The following TEP1 variants were observed in gnomAD, a reference collection of about 807,000 sequenced individuals.
TEP1 encodes telomerase associated protein 1.
In TEP1, 241 loss-of-function variants were observed where a neutral mutation model predicts 306.3. The observed-to-expected ratio is 0.79, with a 90% confidence interval of 0.71 to 0.88. The LOEUF is 0.88. TEP1 is among the 40% of genes least tolerant of loss of function. The pLI, the probability that TEP1 is intolerant of heterozygous loss-of-function variation, is 0.00. For synonymous variants in TEP1, 1,289 were observed against 1,305.5 expected (o/e 0.99, Z 0.27); for missense variants, 3,051 against 3,276.1 (o/e 0.93, Z 1.68).
Position 20,381,632 on chromosome 14 carries a change from A to G in TEP1, c.4479T>C (p.Asp1493=). 6.2e-7 allele frequency: 1 copy of G among 1,613,930 alleles called. No homozygotes were observed. The highest frequency in any genetic ancestry group is 8.5e-7 in the Non-Finnish European group (1 of 1,179,932). ...GTTTAGCTGCTGTTCTCAGGGGCCC[A>G]TCAGGGAGGCACAGCCGGGCACCAG... ...ERPGARLCLP[D]GPLRTAAKRC... Residue 1493 remains aspartate (D), a synonymous_variant, in exon 31 of 55, where the codon GAT becomes GAC. Coordinates refer to ENST00000262715, the MANE Select transcript of TEP1 (RefSeq NM_007110.5). The surrounding 1 kb of genome is among the most constrained non-coding windows in gnomAD (Gnocchi z 4.0).
intron 1 of TEP1, among the ~76,000 whole-genome samples, chr14:20,410,802 GTTTTTTTTTTT>G (rs61662364): frequency 0.13 from 3,267 of 25,284 alleles, 157 homozygotes; most frequent in African/African-American, 0.34. Context: ...CTCCTTTGTG[GTTTTTTTTTTT>G]TTTTTTTTTT....
intron 12 of TEP1, among the ~76,000 whole-genome samples, chr14:20,392,956 C>T (rs887481391): frequency 2.0e-5 from 3 of 152,008 alleles, no homozygotes; most frequent in African/African-American, 4.8e-5. Flanking sequence ...CGGTGGCTCA[C>T]GCCTATAATC....
rs1174988348 is a variant in TEP1, at chr14:20,405,547, T to G, written c.774A>C (p.Ser258=). Residue 258 remains serine (S), a synonymous_variant, in exon 4 of 55, where the codon TCA becomes TCC. Transcript: ENST00000262715. ...LLSLLCSTLV[S]EVNMNNTSDP... ...CAGATGTATTGTTCATGTTTACTTC[T>G]GAGACCAGAGTAGAGCACAGCAAGC... 1 of 1,614,032 alleles carries G rather than the reference T, an allele frequency of 6.2e-7. No homozygotes were observed. The highest frequency in any genetic ancestry group is 1.3e-5 in the African/African-American group (1 of 74,928).
chr14:20,413,420 C>G lies in TEP1; in HGVS notation c.-40G>C, dbSNP rs894713606. ...GGTGCCTGACCTGGGGCGTCCGATT[C>G]CCGCAGCAGGAAGCAGAAACTTCGC... is the stretch of plus-strand genomic sequence containing the variant. On this transcript the variant is annotated 5_prime_UTR_variant, in exon 1 of 55. Coordinates refer to ENST00000262715, the MANE Select transcript of TEP1 (RefSeq NM_007110.5). 6.6e-6 allele frequency: 1 copy of G among 151,636 alleles called. No homozygotes were observed. The highest frequency in any genetic ancestry group is 2.5e-5 in the African/African-American group (1 of 40,756). The allele number at this position is 151,636 out of a possible 1,614,324, so 9.4% of individuals were successfully genotyped here. A position where few individuals can be genotyped will look rare whatever the true frequency, so the allele number is the denominator to read the frequency against.
rs990199970 is a variant in TEP1 at position 20,378,015 on chromosome 14, C to A, written c.5721+9G>T. On this transcript the variant is annotated intron_variant, in intron 39 of 54. Coordinates refer to ENST00000262715, the MANE Select transcript of TEP1 (RefSeq NM_007110.5). ...CTCACAACCCACCACCAGCCCTCTGCAAGCTGACCTTGCCATCCTCTCCAG... is the reference window on the plus strand; with the variant it reads ...CTCACAACCCACCACCAGCCCTCTGAAAGCTGACCTTGCCATCCTCTCCAG... The A allele has an allele frequency of 6.2e-7, 1 of 1,612,716 alleles. No homozygotes were observed. Among genetic ancestry groups the A allele is most frequent in the Non-Finnish European group, 8.5e-7 (1 of 1,180,008 alleles).
At chr14:20,391,415 G>T (rs374361984) in intron 13 of TEP1, among the ~76,000 whole-genome samples, 184 bp downstream of exon 13, 1 of 152,124 alleles carries the variant, frequency 6.6e-6, no homozygotes, top group Admixed American at 6.5e-5. Context: ...CCATAAACCT[G>T]GTTGAAACAA....
At chr14:20,398,904 C>CT (rs946748725) in intron 9 of TEP1, among the ~76,000 whole-genome samples, 106 of 147,308 alleles carry the variant, frequency 7.2e-4, no homozygotes, top group African/African-American at 2.2e-3. Flanking sequence ...AGTCATCATT[C>CT]TTTTTTTTTT....
chr14:20,371,459 C>T, intron 50 of TEP1, 30 bp downstream of exon 50: 1 of 1,609,190 alleles, frequency 6.2e-7, no homozygotes, highest in Middle Eastern at 1.7e-4. Context: ...TTTTCCCCAG[C>T]TCAGGAGGAA....
intron 37 of TEP1, 39 bp from the exon 38 acceptor site, chr14:20,378,574 G>C: frequency 6.2e-7 from 1 of 1,613,344 alleles, no homozygotes; most frequent in South Asian, 1.1e-5. Context: ...GCTGAAGAGA[G>C]ATGCCTGAAC....
At chr14:20,377,256 A>AC in intron 41 of TEP1, 24 bp downstream of exon 41, 1 of 1,553,560 alleles carries the variant, frequency 6.4e-7, no homozygotes, top group South Asian at 1.2e-5. Context: ...TAATTTGTTA[A>AC]CCCTGCCCAC....
chr14:20,391,039 C>A lies in TEP1; in HGVS notation c.2155G>T (p.Val719Leu). 6.2e-7 allele frequency: 1 copy of A among 1,614,166 alleles called. No homozygotes were observed. Among genetic ancestry groups the A allele is most frequent in the South Asian group, 1.1e-5 (1 of 91,074 alleles). ...IGMMITRAEQ[V>L]DVVLCGGDTL... Reference sequence around the variant, plus strand: ...TCACCTCCACACAGCACGACGTCCACCTGCTCCGCCCTCGTGATCATCATC... The same window carrying A: ...TCACCTCCACACAGCACGACGTCCAACTGCTCCGCCCTCGTGATCATCATC... The change falls in exon 14 of 55, where the codon GTG becomes TTG. Residue 719 changes from valine to leucine, a missense_variant. Val to Leu is a conservative substitution (Grantham distance 32). Coordinates refer to ENST00000262715, the MANE Select transcript of TEP1 (RefSeq NM_007110.5).
In TEP1 at chr14:20,408,996, C is replaced by T. The variant is rs1255097034; in HGVS notation, c.-24-533G>A. ...TATAATCTGGACTGTGGGTTCATAG[C>T]TCCAGAGAAACAGGTACTTTAATCA... On this transcript the variant is annotated intron_variant, in intron 1 of 54. Coordinates refer to ENST00000262715, the MANE Select transcript of TEP1 (RefSeq NM_007110.5). Among the ~76,000 whole-genome samples the T allele has an allele frequency of 2.0e-5, 3 of 152,074 alleles. No homozygotes were observed. The East Asian group carries it at 5.8e-4, about 29-fold the overall frequency.
At chr14:20,377,021 G>T (rs1238667809) in intron 41 of TEP1, among the ~76,000 whole-genome samples, 1 of 152,076 alleles carries the variant, frequency 6.6e-6, no homozygotes, top group Non-Finnish European at 1.5e-5. Context: ...TTCGAGACCA[G>T]CATGACCAAC....
chr14:20,376,224 C>T lies in TEP1; in HGVS notation c.6129G>A (p.Thr2043=), dbSNP rs2228042. Residue 2043 remains threonine, a synonymous_variant, in exon 42 of 55, where the codon ACG becomes ACA. Coordinates refer to ENST00000262715, the MANE Select transcript of TEP1 (RefSeq NM_007110.5). ...TVQLWPRQLL[T]RPHKAEDFPC... ...GAAAGTCTTCTGCCTTGTGTGGCCG[C>T]GTCAGCAGCTGCCTTGGCCACAGCT... 98,572 of 1,614,100 alleles carry T rather than the reference C, an allele frequency of 0.061. 3,336 individuals are homozygous for T. Among genetic ancestry groups the T allele is most frequent in the South Asian group, 0.093 (8,481 of 91,076 alleles).
rs767407389 is a variant in TEP1, at chr14:20,391,599, C to G, written c.2097G>C (p.Gly699=). The change falls in exon 13 of 55, where the codon GGG becomes GGC. Residue 699 remains glycine (G), a splice_region_variant and synonymous_variant. Transcript: ENST00000262715. ...TGGAGGATGCTTTTTGTTTTCTTACCCCTTGTGGGTTGCTCTTTGGACAGA... is the reference window on the plus strand; with the variant it reads ...TGGAGGATGCTTTTTGTTTTCTTACGCCTTGTGGGTTGCTCTTTGGACAGA... ...DRLCPKSNPQ[G]PPLNYALLLI... is the part of the protein sequence containing the mutation. 7 of 1,610,794 alleles carry G rather than the reference C, an allele frequency of 4.3e-6. No individual in the cohort carries two copies. The Admixed American group carries it at 5.0e-5, about 12-fold the overall frequency.
Position 20,395,463 on chromosome 14 carries a change from C to A in TEP1, c.1915G>T (p.Val639Leu), listed in dbSNP as rs1307257559. ...YEQLKREKLRVHKARQWKYDG... is the reference protein window; with the variant it reads ...YEQLKREKLRLHKARQWKYDG... Reference sequence around the variant, plus strand: ...GTGCATACATACCTGGCCTTGTGTACTCTCAGCTTCTCCCTCTTGAGCTGC... The same window carrying A: ...GTGCATACATACCTGGCCTTGTGTAATCTCAGCTTCTCCCTCTTGAGCTGC... Residue 639 changes from valine to leucine, a missense_variant, in exon 12 of 55, where the codon GTA (valine) becomes TTA (leucine). Physicochemically the swap from Val to Leu is conservative, Grantham distance 32. This residue lies in a region of TEP1 where 1,507 missense variants were observed against 1,550.5 expected (regional missense o/e 0.97). Transcript: ENST00000262715. The A allele has an allele frequency of 1.9e-6, 3 of 1,596,074 alleles. No individual in the cohort carries two copies. The highest frequency in any genetic ancestry group is 4.5e-5 in the East Asian group (2 of 44,400).
chr14:20,409,791 C>A (rs1057351034), intron 1 of TEP1, among the ~76,000 whole-genome samples: 2 of 151,874 alleles, frequency 1.3e-5, no homozygotes, highest in Admixed American at 1.3e-4. Context: ...GAGGCCGAGG[C>A]GGGCGGATCA....
rs1050528678 is a variant in TEP1, at chr14:20,377,570, T to C, written c.5875+30A>G. On this transcript the variant is annotated intron_variant, in intron 40 of 54. Coordinates refer to ENST00000262715, the MANE Select transcript of TEP1 (RefSeq NM_007110.5). ...CAGGGGCTGCGCTCTTTCTAAAGGC[T>C]CAAAAACCCACCCATTCCCATTTCA... 2.5e-6 allele frequency: 4 copies of C among 1,613,896 alleles called. No homozygotes were observed. The Admixed American group carries it at 6.7e-5, about 27-fold the overall frequency.
chr14:20,405,476 A>C lies in TEP1; in HGVS notation c.845T>G (p.Leu282Arg), dbSNP rs552523470. 4.3e-6 allele frequency: 7 copies of C among 1,614,124 alleles called. No individual in the cohort carries two copies. The African/African-American group carries it at 5.3e-5, about 12-fold the overall frequency. The change falls in exon 4 of 55, where the codon CTC becomes CGC. Residue 282 changes from leucine (L) to arginine (R), a missense_variant. Coordinates refer to ENST00000262715, the MANE Select transcript of TEP1 (RefSeq NM_007110.5). ...AIFEICRELA[L>R]LEPEFILKAS... ...CTTGAGGATAAACTCAGGCTCCAGG[A>C]GGGCAAGTTCACGACAGATTTCAAA... is the stretch of plus-strand genomic sequence containing the variant.
Sources: allele counts gnomAD v4.1 joint callset (sites outside exome capture counted in the v4.1 genomes callset), GRCh38; gene constraint gnomAD v4.1.1; regional missense constraint gnomAD v4.1.1; non-coding constraint Gnocchi (gnomAD v3.1); transcripts MANE v1.5; gene names NCBI Gene and HGNC (gene_info 2026-07-23, HGNC 2026-07-21).